Variants in AIG1 observed in about 807,000 individuals in gnomAD.
AIG1 encodes the protein androgen-induced gene 1 protein.
In AIG1, 23 loss-of-function variants were observed where a neutral mutation model predicts 31.4. The observed-to-expected ratio is 0.73, with a 90% confidence interval of 0.53 to 1.04. The LOEUF is 1.04. Ranked by LOEUF, AIG1 falls within the 50% of genes least tolerant of loss-of-function variation. The pLI is 0.00. For synonymous variants in AIG1, 100 were observed against 110.5 expected (o/e 0.90, Z 0.60); for missense variants, 274 against 295.0 (o/e 0.93, Z 0.52).
chr6:143,262,684 A>G (rs889865731), intron 3 of AIG1, among the ~76,000 whole-genome samples: 1 of 152,306 alleles, frequency 6.6e-6, no homozygotes, highest in Non-Finnish European at 1.5e-5. Flanking sequence ...AGAACTAAAA[A>G]TTGAAGACTC....
intron 3 of AIG1, among the ~76,000 whole-genome samples, chr6:143,230,683 T>C (rs1467992946): frequency 6.6e-6 from 1 of 151,932 alleles, no homozygotes; most frequent in Non-Finnish European, 1.5e-5. Context: ...AAACCATGGA[T>C]ATTATTACTT....
rs540056733 is a variant in AIG1, at chr6:143,271,292, T to C, written c.400-12818T>C. 5.3e-5 allele frequency among the ~76,000 whole-genome samples: 8 copies of C among 152,344 alleles called. No individual in the cohort carries two copies. The South Asian group carries it at 1.4e-3, about 28-fold the overall frequency. ...AATAACCCCTTGGAGATGATTCGTT[T>C]CTGAAATATCCCTGATTAATTATGC... On this transcript the variant is annotated intron_variant, in intron 3 of 5. Coordinates refer to ENST00000357847, the MANE Select transcript of AIG1 (RefSeq NM_016108.4).
chr6:143,105,927 G>A (rs1448991930), intron 1 of AIG1, among the ~76,000 whole-genome samples: 2 of 152,216 alleles, frequency 1.3e-5, no homozygotes, highest in Admixed American at 1.3e-4. Context: ...ATGCCCAAAG[G>A]TCTGGTGAAT....
intron 3 of AIG1, among the ~76,000 whole-genome samples, chr6:143,245,033 C>T (rs1356146705): frequency 6.6e-6 from 1 of 152,192 alleles, no homozygotes; most frequent in African/African-American, 2.4e-5. Flanking sequence ...ACTAAATCAG[C>T]ATCATTAAGG....
intron 4 of AIG1, among the ~76,000 whole-genome samples, chr6:143,309,726 G>A (rs1775113991): frequency 6.6e-6 from 1 of 151,822 alleles, no homozygotes; most frequent in Admixed American, 6.6e-5. Context: ...AAAATAACAA[G>A]ACTAAAATAT....
rs376763528 is a variant in AIG1 at position 143,155,923 on chromosome 6, G to A, written c.298-9159G>A. ...TCTTCAAAGTTTACTCAGAGGCCAAGATAAAGCATAGATGGAGTTAAAGAG... is the reference window on the plus strand; with the variant it reads ...TCTTCAAAGTTTACTCAGAGGCCAAAATAAAGCATAGATGGAGTTAAAGAG... On this transcript the variant is annotated intron_variant, in intron 2 of 5. Transcript: ENST00000357847. 2.0e-5 allele frequency among the ~76,000 whole-genome samples: 3 copies of A among 152,300 alleles called. No homozygotes were observed. The East Asian group carries it at 5.8e-4, about 29-fold the overall frequency.
rs1798057012 is a variant in AIG1 at position 143,291,489 on chromosome 6, T to C, written c.515+7264T>C. 6.6e-6 allele frequency among the ~76,000 whole-genome samples: 1 copy of C among 152,108 alleles called. No individual in the cohort carries two copies. On this transcript the variant is annotated intron_variant, in intron 4 of 5. Coordinates refer to ENST00000357847, the MANE Select transcript of AIG1 (RefSeq NM_016108.4). This position sits in a 1 kb window ranked among gnomAD's most constrained non-coding sequence, Gnocchi z 4.2. Reference sequence around the variant, plus strand: ...CACACTTATGCACCCGACGCAGAGGTGAGCACCTGGACTTCAGCCTCACAG... The same window carrying C: ...CACACTTATGCACCCGACGCAGAGGCGAGCACCTGGACTTCAGCCTCACAG...
rs147994355 is a variant in AIG1 at position 143,154,470 on chromosome 6, T to C, written c.298-10612T>C. Among the ~76,000 whole-genome samples, 482 of 152,118 alleles carry C rather than the reference T, an allele frequency of 3.2e-3. 4 individuals carry two copies. The highest frequency in any genetic ancestry group is 0.011 in the African/African-American group (448 of 41,484). On this transcript the variant is annotated intron_variant, in intron 2 of 5. Transcript: ENST00000357847. ...GGAGGGTGTGACTATCAGGAGTTAG[T>C]ACCAGGCCTCCCTGGGCGATAGAGT... is the stretch of plus-strand genomic sequence containing the variant.
intron 2 of AIG1, among the ~76,000 whole-genome samples, chr6:143,155,793 A>G: frequency 6.6e-6 from 1 of 152,168 alleles, no homozygotes; most frequent in Non-Finnish European, 1.5e-5. Context: ...CCTGGAAGAA[A>G]CTGGAAGGGG....
chr6:143,207,519 TAC>T (rs10537250), intron 3 of AIG1, among the ~76,000 whole-genome samples: 118,970 of 149,054 alleles, frequency 0.8, 47,551 homozygotes, highest in East Asian at 0.98. Flanking sequence ...ACCATTACAA[TAC>T]ACACACACAC....
chr6:143,281,009 G>C (rs1242875235), intron 3 of AIG1, among the ~76,000 whole-genome samples: 12 of 152,040 alleles, frequency 7.9e-5, no homozygotes. Flanking sequence ...TTTGTTTTGA[G>C]GCCCAACCAA....
Position 143,145,003 on chromosome 6 carries a change from G to T in AIG1, c.297+8013G>T, listed in dbSNP as rs1012377366. Among the ~76,000 whole-genome samples, 5 of 152,092 alleles carry T rather than the reference G, an allele frequency of 3.3e-5. No homozygotes were observed. The South Asian group carries it at 1.0e-3, about 32-fold the overall frequency. On this transcript the variant is annotated intron_variant, in intron 2 of 5. Transcript: ENST00000357847. ...GAGCTTGTTGACAGGCAGTTTCAGG[G>T]TGGTATTGCTCAGTATTTTCATATT...
At chr6:143,077,265 T>C (rs1316534240) in intron 1 of AIG1, among the ~76,000 whole-genome samples, 1 of 152,328 alleles carries the variant, frequency 6.6e-6, no homozygotes. Context: ...TAGTAAAATA[T>C]TATGTTACCC....
intron 4 of AIG1, among the ~76,000 whole-genome samples, chr6:143,309,130 A>G (rs911131675): frequency 1.3e-5 from 2 of 152,018 alleles, no homozygotes; most frequent in African/African-American, 4.8e-5. Context: ...GTAAAATATT[A>G]AAAGTATTGA....
chr6:143,342,819 G>A, downstream of AIG1: 1 of 801,294 alleles, frequency 1.2e-6, no homozygotes, highest in Non-Finnish European at 2.3e-6. Context: ...AGTGGACAGT[G>A]ATCTGATATT....
chr6:143,287,018 G>A (rs140744274), intron 4 of AIG1, among the ~76,000 whole-genome samples: 59 of 151,738 alleles, frequency 3.9e-4, no homozygotes, highest in African/African-American at 1.2e-3. Flanking sequence ...GTCTCCTTCC[G>A]TGATGACTTC....
intron 2 of AIG1, among the ~76,000 whole-genome samples, chr6:143,148,797 A>C (rs968675488): frequency 3.9e-5 from 6 of 152,062 alleles, no homozygotes; most frequent in Non-Finnish European, 7.4e-5. Flanking sequence ...CAGCCTGGGC[A>C]ACAAGAGCAT....
At chr6:143,251,210 G>A (rs778853934) in intron 3 of AIG1, among the ~76,000 whole-genome samples, 1 of 152,002 alleles carries the variant, frequency 6.6e-6, no homozygotes, top group African/African-American at 2.4e-5. Flanking sequence ...GCGCCACCAC[G>A]CCCGGCTAAT....
intron 1 of AIG1, among the ~76,000 whole-genome samples, chr6:143,068,960 A>G (rs1008774771): frequency 2.6e-5 from 4 of 152,134 alleles, no homozygotes; most frequent in East Asian, 1.9e-4. Context: ...AAAAAATTCA[A>G]TATGAACATA....
Sources: allele counts gnomAD v4.1 joint callset (sites outside exome capture counted in the v4.1 genomes callset), GRCh38; gene constraint gnomAD v4.1.1; non-coding constraint Gnocchi (gnomAD v3.1); transcripts MANE v1.5; gene names NCBI Gene and HGNC (gene_info 2026-07-23, HGNC 2026-07-21).